The following ADAMTSL1 variants were observed in gnomAD, a reference collection of about 807,000 sequenced individuals.
ADAMTSL1 encodes ADAMTS like 1.
In ADAMTSL1, 126 loss-of-function variants were observed where a neutral mutation model predicts 201.8. The ratio of observed to expected loss-of-function variants is 0.62; its 90% CI spans 0.54 to 0.72. The LOEUF (loss-of-function observed/expected upper bound fraction) is 0.72. Among genes scored for constraint, ADAMTSL1 ranks in the 30% least tolerant of loss-of-function variants. The probability of loss-of-function intolerance (pLI) is 0.00; values close to 1 mark genes in which losing one functional copy is unlikely to be tolerated. For missense variants in ADAMTSL1, 2,679 were observed against 2,277.8 expected, an observed-to-expected ratio of 1.18 and a Z score of -3.59; for synonymous variants, 1,121 against 903.4, an observed-to-expected ratio of 1.24 and a Z score of -4.32.
intron 1 of ADAMTSL1, among the ~76,000 whole-genome samples, chr9:17,984,410 C>G (rs1818840589): frequency 6.6e-6 from 1 of 151,910 alleles, no homozygotes; most frequent in African/African-American, 2.4e-5. Flanking sequence ...ATGCTTTTTT[C>G]TAGCCTTCTT....
chr9:18,102,325 A>G (rs868037105), intron 1 of ADAMTSL1, among the ~76,000 whole-genome samples: 1 of 152,162 alleles, frequency 6.6e-6, no homozygotes, highest in African/African-American at 2.4e-5. Context: ...GCTTAATATA[A>G]AAGTCTGAAA....
At chr9:17,982,617 A>AAAATAAAT (rs150282047) in intron 1 of ADAMTSL1, among the ~76,000 whole-genome samples, 9 of 152,062 alleles carry the variant, frequency 5.9e-5, no homozygotes, top group South Asian at 2.1e-4. Flanking sequence ...GTCTCAGGGA[A>AAAATAAAT]AAATAAATAA....
chr9:18,338,827 C>T (rs969306405), intron 2 of ADAMTSL1, among the ~76,000 whole-genome samples: 2 of 152,156 alleles, frequency 1.3e-5, no homozygotes, highest in Admixed American at 1.3e-4. Flanking sequence ...TCTTTGTGTC[C>T]ATATGTACTC....
chr9:18,768,737 T>C (rs1175565612), intron 16 of ADAMTSL1, among the ~76,000 whole-genome samples: 1 of 152,202 alleles, frequency 6.6e-6, no homozygotes, highest in Non-Finnish European at 1.5e-5. Context: ...ACTAGCTCTG[T>C]GACCTCAAGC....
At chr9:18,248,505 G>A (rs1348577243) in intron 2 of ADAMTSL1, among the ~76,000 whole-genome samples, 1 of 152,102 alleles carries the variant, frequency 6.6e-6, no homozygotes, top group African/African-American at 2.4e-5. Context: ...TAACCAGTAG[G>A]TTGAGTACTA....
rs531012326 is a variant in ADAMTSL1 at position 18,589,176 on chromosome 9, C to A, written c.474+14910C>A. Among the ~76,000 whole-genome samples, 4 of 152,070 alleles carry A rather than the reference C, an allele frequency of 2.6e-5. No individual in the cohort carries two copies. In the South Asian group the frequency reaches 6.2e-4, roughly 24 times the overall value. Reference sequence around the variant, plus strand: ...ACAGGCATGAGTTGCCACACCTGGTCTTGTTAACAATATTAATTCTTCTAA... The same window carrying A: ...ACAGGCATGAGTTGCCACACCTGGTATTGTTAACAATATTAATTCTTCTAA... On this transcript the variant is annotated intron_variant, in intron 4 of 28. Coordinates refer to ENST00000380548, the MANE Select transcript of ADAMTSL1 (RefSeq NM_001040272.6).
intron 2 of ADAMTSL1, among the ~76,000 whole-genome samples, chr9:18,328,335 AT>A (rs1163696205): frequency 6.6e-6 from 1 of 152,094 alleles, no homozygotes; most frequent in African/African-American, 2.4e-5. Context: ...ATAATCAGTT[AT>A]TTTCCTGTTT....
intron 1 of ADAMTSL1, among the ~76,000 whole-genome samples, chr9:18,502,063 T>A (rs1159316305): frequency 6.6e-6 from 1 of 152,238 alleles, no homozygotes; most frequent in Admixed American, 6.5e-5. Flanking sequence ...ACCAAATATC[T>A]TACCCAGAGA....
chr9:18,704,676 T>G (rs1832127925), intron 13 of ADAMTSL1, among the ~76,000 whole-genome samples: 1 of 152,180 alleles, frequency 6.6e-6, no homozygotes, highest in African/African-American at 2.4e-5. Context: ...GTTAAAATGA[T>G]TTTGATAGCA....
intron 2 of ADAMTSL1, among the ~76,000 whole-genome samples, chr9:18,526,224 G>T (rs1271141903): frequency 2.0e-5 from 3 of 152,102 alleles, no homozygotes; most frequent in African/African-American, 7.2e-5. Context: ...TTTGATCTTT[G>T]TTGATTTAAA....
intron 1 of ADAMTSL1, among the ~76,000 whole-genome samples, chr9:18,476,357 C>G (rs890333549): frequency 6.6e-6 from 1 of 152,066 alleles, no homozygotes; most frequent in Admixed American, 6.6e-5. Context: ...GAGAATAGAA[C>G]ATGTTTGCTT....
chr9:18,639,548 A>T (rs1342687047), intron 7 of ADAMTSL1, 137 bp downstream of exon 7: 2 of 996,000 alleles, frequency 2.0e-6, no homozygotes, highest in African/African-American at 3.3e-5. Context: ...GTTTAATCTG[A>T]GGGTGTTGAG....
intron 2 of ADAMTSL1, among the ~76,000 whole-genome samples, chr9:18,464,878 G>T (rs1469515584): frequency 6.6e-6 from 1 of 152,170 alleles, no homozygotes; most frequent in Non-Finnish European, 1.5e-5. Flanking sequence ...ACTGAGAAAA[G>T]ATTTAGCCAT....
intron 16 of ADAMTSL1, among the ~76,000 whole-genome samples, chr9:18,765,360 G>A (rs575810956): frequency 9.7e-4 from 148 of 152,294 alleles, no homozygotes; most frequent in African/African-American, 3.4e-3. Flanking sequence ...AGGAATCTGA[G>A]TGTGAATTAT....
intron 13 of ADAMTSL1, among the ~76,000 whole-genome samples, chr9:18,692,368 G>C (rs1831282410): frequency 6.6e-6 from 1 of 150,756 alleles, no homozygotes; most frequent in South Asian, 2.2e-4. Flanking sequence ...TTTTTTTGTA[G>C]TCATTCCTTG....
intron 2 of ADAMTSL1, among the ~76,000 whole-genome samples, chr9:18,424,140 T>G (rs1172291145): frequency 6.6e-6 from 1 of 152,252 alleles, no homozygotes; most frequent in Non-Finnish European, 1.5e-5. Context: ...TCTGGGATAT[T>G]TTAGATATGG....
At chr9:18,095,256 A>T (rs1386685777) in intron 1 of ADAMTSL1, among the ~76,000 whole-genome samples, 1 of 152,130 alleles carries the variant, frequency 6.6e-6, no homozygotes, top group African/African-American at 2.4e-5. Context: ...GATCACACAC[A>T]AGTACCTACG....
In ADAMTSL1 at chr9:18,533,265, T is replaced by C; in HGVS notation, c.210T>C (p.Asn70=). 6.2e-7 allele frequency: 1 copy of C among 1,607,040 alleles called. No homozygotes were observed. Among genetic ancestry groups the C allele is most frequent in the Non-Finnish European group, 8.5e-7 (1 of 1,176,664 alleles). The change falls in exon 3 of 29, where the codon AAT becomes AAC. Residue 70 remains asparagine (N), a synonymous_variant. Coordinates refer to ENST00000380548, the MANE Select transcript of ADAMTSL1 (RefSeq NM_001040272.6). Reference sequence around the variant, plus strand: ...AACTTAGGAGCTGTGAAGGAAGAAATATCCGATACAGAACATGCAGTAATG... The same window carrying C: ...AACTTAGGAGCTGTGAAGGAAGAAACATCCGATACAGAACATGCAGTAATG... ...CLSSKSCEGR[N]IRYRTCSNVD...
rs115100875 is a variant in ADAMTSL1, at chr9:18,845,192, G to A, written c.4249+15215G>A. Among the ~76,000 whole-genome samples the A allele has an allele frequency of 6.1e-3, 928 of 152,246 alleles. 15 individuals carry two copies. Among genetic ancestry groups the A allele is most frequent in the African/African-American group, 0.02 (843 of 41,540 alleles). On this transcript the variant is annotated intron_variant, in intron 23 of 28. Coordinates refer to ENST00000380548, the MANE Select transcript of ADAMTSL1 (RefSeq NM_001040272.6). ...ATTCGGCCATCTTGGCTCAAGTGTC[G>A]GCAGCACACTCTCCTTAGTGAGCAA...
Sources: gnomAD v4.1 joint callset for allele counts (sites outside exome capture counted in the v4.1 genomes callset) on GRCh38, gnomAD v4.1.1 for gene constraint, MANE v1.5 for transcripts, NCBI Gene and HGNC (gene_info 2026-07-23, HGNC 2026-07-21) for gene names.